PRELID2: variants seen among roughly 807,000 people sequenced by gnomAD.
The protein encoded by PRELID2 is PRELI domain containing 2.
PRELID2 carries 25 observed loss-of-function variants against 28.4 expected under a neutral mutation model. The ratio of observed to expected loss-of-function variants is 0.88; its 90% confidence interval spans 0.64 to 1.23. PRELID2 has a LOEUF of 1.23. PRELID2 is among the 50% of genes most tolerant of loss of function. The probability of loss-of-function intolerance (pLI) is 0.00; values close to 1 mark genes in which losing one functional copy is unlikely to be tolerated. For missense variants in PRELID2, 201 were observed against 214.4 expected (o/e 0.94, Z 0.39); for synonymous variants, 76 against 71.6 (o/e 1.06, Z -0.31).
chr5:145,637,935 CA>C (rs1754029872), intron 1 of PRELID2, among the ~76,000 whole-genome samples: 3 of 152,074 alleles, frequency 2.0e-5, no homozygotes, highest in Admixed American at 2.0e-4. Flanking sequence ...CTCTGCCTCC[CA>C]AATAGCTGGG....
intron 1 of PRELID2, among the ~76,000 whole-genome samples, chr5:145,651,254 G>T (rs980355993): frequency 1.3e-5 from 2 of 152,194 alleles, no homozygotes; most frequent in African/African-American, 4.8e-5. Context: ...AAACAAAGCA[G>T]CCTGGAAGCT....
At chr5:145,236,822 C>T in the PRELID2 span, among the ~76,000 whole-genome samples, 1 of 152,110 alleles carries the variant, frequency 6.6e-6, no homozygotes, top group African/African-American at 2.4e-5. Context: ...TGTATAAATA[C>T]TAAACTTCCT....
chr5:145,348,407 A>G, the PRELID2 span, among the ~76,000 whole-genome samples: 2 of 152,078 alleles, frequency 1.3e-5, no homozygotes, highest in African/African-American at 4.8e-5. Context: ...CCCTTTTTCT[A>G]TGCTATAACC....
At chr5:145,703,971 G>T (rs1755476476) in intron 1 of PRELID2, 2 of 152,216 alleles carry the variant, frequency 1.3e-5, no homozygotes, top group South Asian at 4.1e-4. Flanking sequence ...TAGAGTCACA[G>T]TACCTGAGGT....
intron 1 of PRELID2, among the ~76,000 whole-genome samples, chr5:145,518,047 G>A (rs1187414663): frequency 6.6e-6 from 1 of 151,714 alleles, no homozygotes; most frequent in Non-Finnish European, 1.5e-5. Context: ...TGTAGATGGT[G>A]GGTTAATGGG....
chr5:145,816,076 C>CTTTTTTTTTTTTTTT (rs1191298938), intron 4 of PRELID2, among the ~76,000 whole-genome samples: 4 of 89,044 alleles, frequency 4.5e-5, no homozygotes, highest in Non-Finnish European at 6.7e-5. Context: ...TATTGTGTGT[C>CTTTTTTTTTTTTTTT]TTTTTTTTTT....
the PRELID2 span, among the ~76,000 whole-genome samples, chr5:145,308,171 C>A: frequency 6.6e-6 from 1 of 152,198 alleles, no homozygotes; most frequent in African/African-American, 2.4e-5. Context: ...CCCTACCTAT[C>A]TTAGCCATTA....
At chr5:145,377,713 A>G in the PRELID2 span, among the ~76,000 whole-genome samples, 1 of 152,014 alleles carries the variant, frequency 6.6e-6, no homozygotes, top group Non-Finnish European at 1.5e-5. Flanking sequence ...ATTTTTCTCC[A>G]TCCCTTTATT....
chr5:145,358,562 C>A, the PRELID2 span, among the ~76,000 whole-genome samples: 1 of 151,892 alleles, frequency 6.6e-6, no homozygotes, highest in East Asian at 1.9e-4. Flanking sequence ...CAGTTGCTAG[C>A]CCACTTTAAC....
At chr5:145,726,166 C>T (rs1246413322) in intron 1 of PRELID2, among the ~76,000 whole-genome samples, 2 of 136,888 alleles carry the variant, frequency 1.5e-5, no homozygotes, top group Admixed American at 7.9e-5. Context: ...AAGACACTAT[C>T]TCAGAAAAGA....
chr5:145,591,243 T>C (rs10036303), intron 1 of PRELID2, among the ~76,000 whole-genome samples: 16,484 of 151,050 alleles, frequency 0.11, 2,421 homozygotes, highest in African/African-American at 0.34. Context: ...CTACAGTGAG[T>C]CATGTTTATG....
chr5:145,826,748 A>G (rs778487761), intron 1 of PRELID2, among the ~76,000 whole-genome samples: 1 of 152,184 alleles, frequency 6.6e-6, no homozygotes, highest in Non-Finnish European at 1.5e-5. Context: ...ACACATATAT[A>G]TAAAAAGTTA....
chr5:145,740,884 A>ATATATTTAT lies in PRELID2; in HGVS notation n.70+24046_70+24047insATAAATATA, dbSNP rs1491150625. ...TATATTTATCGATAAATATATATGT[A>ATATATTTAT]CATATATTTATCGATAAATATATAT... is the stretch of plus-strand genomic sequence containing the variant. On this transcript the variant is annotated intron_variant and non_coding_transcript_variant, in intron 1 of 2. Coordinates refer to the PRELID2 transcript ENST00000510259. Among the ~76,000 whole-genome samples, 152 of 100,280 alleles carry ATATATTTAT rather than the reference A, an allele frequency of 1.5e-3. 16 individuals are homozygous for ATATATTTAT. The highest frequency in any genetic ancestry group is 6.1e-3 in the African/African-American group (143 of 23,264). 65.8% of individuals were successfully genotyped at this position (100,280 alleles called of 152,430 possible). A position where few individuals can be genotyped will look rare whatever the true frequency, so the allele number is the denominator to read the frequency against.
chr5:145,609,485 G>A (rs1184407372), intron 1 of PRELID2, among the ~76,000 whole-genome samples: 1 of 152,182 alleles, frequency 6.6e-6, no homozygotes, highest in Non-Finnish European at 1.5e-5. Context: ...TTAAGCAGGG[G>A]CAGCAGTTGG....
the PRELID2 span, among the ~76,000 whole-genome samples, chr5:145,460,031 G>A: frequency 6.6e-6 from 1 of 151,992 alleles, no homozygotes; most frequent in African/African-American, 2.4e-5. Flanking sequence ...GACTGGTCTT[G>A]AACTCCTGAC....
At chr5:145,380,663 T>C in the PRELID2 span, among the ~76,000 whole-genome samples, 1 of 152,234 alleles carries the variant, frequency 6.6e-6, no homozygotes, top group Admixed American at 6.5e-5. Flanking sequence ...TGGTTTGCTC[T>C]TTAGACTTCA....
At chr5:145,312,584 C>A in the PRELID2 span, among the ~76,000 whole-genome samples, 1 of 152,144 alleles carries the variant, frequency 6.6e-6, no homozygotes, top group Non-Finnish European at 1.5e-5. Flanking sequence ...TTTTAAGATT[C>A]CACATATAAG....
the PRELID2 span, among the ~76,000 whole-genome samples, chr5:145,256,230 G>A: frequency 2.2e-4 from 33 of 151,906 alleles, no homozygotes; most frequent in East Asian, 3.5e-3. Context: ...ATCCAGTAAC[G>A]ACTGAATCTC....
chr5:145,758,655 A>C lies in PRELID2; in HGVS notation c.*1881T>G, dbSNP rs1341686825. On this transcript the variant is annotated 3_prime_UTR_variant, in exon 7 of 7. Coordinates refer to ENST00000683046, the MANE Select transcript of PRELID2 (RefSeq NM_205846.3). The stretch of plus-strand genomic sequence containing the variant: ...AAATTTCTTGCCTCTCACTTCCACA[A>C]TAATTTGCATCACCTTTTATTTTTT... 6.6e-6 allele frequency among the ~76,000 whole-genome samples: 1 copy of C among 152,184 alleles called. No homozygotes were observed.
Sources: allele counts gnomAD v4.1 joint callset (sites outside exome capture counted in the v4.1 genomes callset), GRCh38; gene constraint gnomAD v4.1.1; transcripts MANE v1.5; gene names NCBI Gene and HGNC (gene_info 2026-07-23, HGNC 2026-07-21).